The following FOXD2 variants were observed in gnomAD, a reference collection of about 807,000 sequenced individuals.
FOXD2 encodes forkhead box D2.
A neutral mutation model predicts 6.4 loss-of-function variants in FOXD2; 4 were observed. The ratio of observed to expected loss-of-function variants is 0.62; its 90% CI spans 0.31 to 1.42. The LOEUF is 1.42. Among genes scored for constraint, FOXD2 ranks in the 40% most tolerant of loss-of-function variants. The pLI is 0.08. For synonymous variants in FOXD2, 393 were observed against 373.6 expected (o/e 1.05, Z -0.60); for missense variants, 709 against 766.8 (o/e 0.92, Z 0.89).
Position 47,438,392 on chromosome 1 carries a change from C to T in FOXD2, c.257C>T (p.Ala86Val). The T allele has an allele frequency of 8.2e-7, 1 of 1,214,432 alleles. No homozygotes were observed. The highest frequency in any genetic ancestry group is 1.0e-6 in the Non-Finnish European group (1 of 977,280). 75.2% of individuals were successfully genotyped at this position (1,214,432 alleles called of 1,614,324 possible). A position where few individuals can be genotyped will look rare whatever the true frequency, so the allele number is the denominator to read the frequency against. Residue 86 changes from alanine (A) to valine (V), a missense_variant, in exon 1 of 1, where the codon GCG becomes GTG. By Grantham distance (64) the Ala-to-Val change is moderately conservative. Around this residue, in one of 5 missense-constraint regions of FOXD2, gnomAD observed 220 missense variants for 199.2 expected, o/e 1.10. Coordinates refer to ENST00000334793, the MANE Select transcript of FOXD2 (RefSeq NM_004474.4). ...TCGGACGGCGAGCCCCGCGCTCTGG[C>T]GTCCCGGGGGGCGGCGGCCGCAGCG... ...GCSDGEPRALASRGAAAAAGS... is the reference protein window; with the variant it reads ...GCSDGEPRALVSRGAAAAAGS...
chr1:47,439,884 G>C lies in FOXD2; in HGVS notation c.*261G>C. 1 of 71,424 alleles carries C rather than the reference G, an allele frequency of 1.4e-5. No individual in the cohort carries two copies. The highest frequency in any genetic ancestry group is 1.5e-4 in the East Asian group (1 of 6,478). The allele number at this position is 71,424 out of a possible 1,614,324, so 4.4% of individuals were successfully genotyped here. ...CTTTACAGTTTGAGAAATAAAAGCA[G>C]GGGGGTGGGGGCTTCGTTTTTTTCC... On this transcript the variant is annotated 3_prime_UTR_variant, in exon 1 of 1. Coordinates refer to ENST00000334793, the MANE Select transcript of FOXD2 (RefSeq NM_004474.4).
chr1:47,438,408 G>A lies in FOXD2; in HGVS notation c.273G>A (p.Ala91=). The change falls in exon 1 of 1, where the codon GCG becomes GCA. Residue 91 remains alanine (A), a synonymous_variant. Coordinates refer to ENST00000334793, the MANE Select transcript of FOXD2 (RefSeq NM_004474.4). ...EPRALASRGA[A]AAAGSPGPGA... ...GCGCTCTGGCGTCCCGGGGGGCGGC[G>A]GCCGCAGCGGGGAGCCCGGGGCCAG... The A allele has an allele frequency of 1.7e-6, 2 of 1,195,740 alleles. No individual in the cohort carries two copies. The highest frequency in any genetic ancestry group is 8.3e-5 in the South Asian group (2 of 24,068). 74.1% of individuals were successfully genotyped at this position (1,195,740 alleles called of 1,614,324 possible). A position where few individuals can be genotyped will look rare whatever the true frequency, so the allele number is the denominator to read the frequency against.
In FOXD2 at chr1:47,438,816, C is replaced by T; in HGVS notation, c.681C>T (p.Pro227=). 1 of 1,611,806 alleles carries T rather than the reference C, an allele frequency of 6.2e-7. No individual in the cohort carries two copies. The highest frequency in any genetic ancestry group is 8.5e-7 in the Non-Finnish European group (1 of 1,179,462). Reference sequence around the variant, plus strand: ...GTCGCAAGCGCTTCAAGCGGCAGCCCCTGCCGCCGCCGCACCCACACCCGC... The same window carrying T: ...GTCGCAAGCGCTTCAAGCGGCAGCCTCTGCCGCCGCCGCACCCACACCCGC... ...LRRRKRFKRQ[P]LPPPHPHPHP... is the part of the protein sequence containing the mutation. The change falls in exon 1 of 1, where the codon CCC becomes CCT. Residue 227 remains proline (P), a synonymous_variant. Coordinates refer to ENST00000334793, the MANE Select transcript of FOXD2 (RefSeq NM_004474.4).
At position 47,438,996 on chromosome 1, in the gene FOXD2, T is replaced by TCCGCAC. The variant is rs3046924; in HGVS notation, c.874_879dup (p.Pro292_His293dup). Reference sequence around the variant, plus strand: ...CACCCCCGCCGGGGCCGGCCCCGCATCCGCACCCGCACCCGCACGCCTTCG... The same window carrying TCCGCAC: ...CACCCCCGCCGGGGCCGGCCCCGCATCCGCACCCGCACCCGCACCCGCACGCCTTCG... On this transcript the variant is annotated inframe_insertion, in exon 1 of 1. Coordinates refer to ENST00000334793, the MANE Select transcript of FOXD2 (RefSeq NM_004474.4). 1 allele frequency: 1,392,139 copies of TCCGCAC among 1,399,124 alleles called. 692,767 individuals are homozygous for TCCGCAC. The highest frequency in any genetic ancestry group is 1 in the East Asian group (31,753 of 31,792). The allele number at this position is 1,399,124 out of a possible 1,614,324, so 86.7% of individuals were successfully genotyped here.
Position 47,440,153 on chromosome 1 carries a change from C to A in FOXD2, c.*530C>A, listed in dbSNP as rs1409571573. On this transcript the variant is annotated 3_prime_UTR_variant, in exon 1 of 1. Transcript: ENST00000334793. ...TTTTTTGCTGTTCTCCAAGGAAGTT[C>A]GTTTCCTCTGAAGCCTAAACCAGTG... The A allele has an allele frequency of 8.0e-6, 1 of 125,108 alleles. No individual in the cohort carries two copies. The highest frequency in any genetic ancestry group is 3.5e-5 in the African/African-American group (1 of 28,534). The allele number at this position is 125,108 out of a possible 1,614,324, so 7.7% of individuals were successfully genotyped here. A position where few individuals can be genotyped will look rare whatever the true frequency, so the allele number is the denominator to read the frequency against.
Position 47,439,257 on chromosome 1 carries a change from C to G in FOXD2, c.1122C>G (p.Pro374=). 6.6e-7 allele frequency: 1 copy of G among 1,505,138 alleles called. No homozygotes were observed. Among genetic ancestry groups the G allele is most frequent in the Non-Finnish European group, 8.8e-7 (1 of 1,138,880 alleles). The allele number at this position is 1,505,138 out of a possible 1,614,324, so 93.2% of individuals were successfully genotyped here. The change falls in exon 1 of 1, where the codon CCC becomes CCG. Residue 374 remains proline, a synonymous_variant. Coordinates refer to ENST00000334793, the MANE Select transcript of FOXD2 (RefSeq NM_004474.4). The part of the protein sequence containing the change: ...KAFYAASLSP[P]AAGTAAGLPT... ...TCTACGCGGCGTCCCTGAGTCCTCC[C>G]GCAGCCGGCACCGCGGCGGGTCTGC... is the stretch of plus-strand genomic sequence containing the variant.
At position 47,439,449 on chromosome 1, in the gene FOXD2, AT is replaced by A. The variant is rs774607804; in HGVS notation, c.1316del (p.Phe439SerfsTer17). 6.5e-7 allele frequency: 1 copy of A among 1,542,376 alleles called. No homozygotes were observed. The highest frequency in any genetic ancestry group is 1.2e-5 in the South Asian group (1 of 84,220). On this transcript the variant is annotated frameshift_variant, in exon 1 of 1. Transcript: ENST00000334793. LOFTEE classifies it high-confidence loss of function. ...GAGEGSPGPP[F>X]AAAAGPGGQA... The stretch of plus-strand genomic sequence containing the variant: ...CCGGCGAGGGCTCTCCGGGACCGCC[AT>A]TCGCGGCAGCCGCGGGTCCTGGGGG...
chr1:47,438,419 G>A lies in FOXD2; in HGVS notation c.284G>A (p.Gly95Glu), dbSNP rs1327970688. The A allele has an allele frequency of 2.6e-6, 3 of 1,164,638 alleles. No individual in the cohort carries two copies. The highest frequency in any genetic ancestry group is 3.2e-6 in the Non-Finnish European group (3 of 944,366). 72.1% of individuals were successfully genotyped at this position (1,164,638 alleles called of 1,614,324 possible). Residue 95 changes from glycine to glutamate, a missense_variant, in exon 1 of 1, where the codon GGG (glycine) becomes GAG (glutamate). Gly to Glu is a moderately conservative substitution (Grantham distance 98). Transcript: ENST00000334793. ...LASRGAAAAAGSPGPGAAAAR... is the reference protein window; with the variant it reads ...LASRGAAAAAESPGPGAAAAR... ...TCCCGGGGGGCGGCGGCCGCAGCGG[G>A]GAGCCCGGGGCCAGGCGCCGCGGCG...
rs1183368031 is a variant in FOXD2, at chr1:47,439,926, C to A, written c.*303C>A. 3 of 375,874 alleles carry A rather than the reference C, an allele frequency of 8.0e-6. No individual in the cohort carries two copies. Among genetic ancestry groups the A allele is most frequent in the Non-Finnish European group, 1.5e-5 (3 of 200,496 alleles). The allele number at this position is 375,874 out of a possible 1,614,324, so 23.3% of individuals were successfully genotyped here. A position where few individuals can be genotyped will look rare whatever the true frequency, so the allele number is the denominator to read the frequency against. ...TTTTTTTCCCTGCCTCTGCGCCTCT[C>A]GGGGAACACATTCCGGGAGAGATGC... On this transcript the variant is annotated 3_prime_UTR_variant, in exon 1 of 1. Transcript: ENST00000334793.
At position 47,438,121 on chromosome 1, in the gene FOXD2, G is replaced by GGCGGCA. The variant is rs1403449006; in HGVS notation, c.-8_-3dup. Reference sequence around the variant, plus strand: ...AGCGGAGCCGGAGAGTGGCGGCGGCGGCGGCAGCGGCACCATGACCCTGGG... The same window carrying GGCGGCA: ...AGCGGAGCCGGAGAGTGGCGGCGGCGGCGGCAGCGGCAGCGGCACCATGACCCTGGG... On this transcript the variant is annotated 5_prime_UTR_variant, in exon 1 of 1. Transcript: ENST00000334793. The GGCGGCA allele has an allele frequency of 3.6e-6, 5 of 1,400,788 alleles. No individual in the cohort carries two copies. The highest frequency in any genetic ancestry group is 3.0e-5 in the East Asian group (1 of 32,788). 86.8% of individuals were successfully genotyped at this position (1,400,788 alleles called of 1,614,324 possible).
In FOXD2 at chr1:47,439,160, G is replaced by A; in HGVS notation, c.1025G>A (p.Gly342Asp). 6.9e-7 allele frequency: 1 copy of A among 1,447,174 alleles called. No individual in the cohort carries two copies. Among genetic ancestry groups the A allele is most frequent in the South Asian group, 1.4e-5 (1 of 73,904 alleles). 89.6% of individuals were successfully genotyped at this position (1,447,174 alleles called of 1,614,324 possible). ...GSAPAPAPAS[G>D]SGPGPGPAGL... ...GCCCCAGCTCCTGCGCCTGCCTCAG[G>A]CTCGGGCCCGGGCCCGGGCCCCGCA... Residue 342 changes from glycine (G) to aspartate (D), a missense_variant, in exon 1 of 1, where the codon GGC (glycine) becomes GAC (aspartate). This residue lies in a region of FOXD2 where 322 missense variants were observed against 313.8 expected (regional missense o/e 1.03). Transcript: ENST00000334793.
rs912017237 is a variant in FOXD2, at chr1:47,438,062, A to G, written c.-74A>G. Reference sequence around the variant, plus strand: ...CCCGCGCGCAAAACGCACTCGCCCCAGAGGCAGCGCGGCCGAGCCCGAGCC... The same window carrying G: ...CCCGCGCGCAAAACGCACTCGCCCCGGAGGCAGCGCGGCCGAGCCCGAGCC... On this transcript the variant is annotated 5_prime_UTR_variant, in exon 1 of 1. Transcript: ENST00000334793. The G allele has an allele frequency of 1.4e-5, 18 of 1,264,638 alleles. No individual in the cohort carries two copies. The East Asian group carries it at 5.1e-4, about 36-fold the overall frequency. 78.3% of individuals were successfully genotyped at this position (1,264,638 alleles called of 1,614,324 possible). A position where few individuals can be genotyped will look rare whatever the true frequency, so the allele number is the denominator to read the frequency against.
chr1:47,438,352 G>A lies in FOXD2; in HGVS notation c.217G>A (p.Glu73Lys), dbSNP rs1280831716. ...GGCAGACTTAGCCGAGGACGAGGAG[G>A]AGTCTGGTGGCTGCTCGGACGGCGA... ...AEADLAEDEEESGGCSDGEPR... is the reference protein window; with the variant it reads ...AEADLAEDEEKSGGCSDGEPR... The change falls in exon 1 of 1, where the codon GAG becomes AAG. Residue 73 changes from glutamate to lysine, a missense_variant. Physicochemically the swap from Glu to Lys is moderately conservative, Grantham distance 56. Coordinates refer to ENST00000334793, the MANE Select transcript of FOXD2 (RefSeq NM_004474.4). 8.0e-7 allele frequency: 1 copy of A among 1,257,536 alleles called. No individual in the cohort carries two copies. Among genetic ancestry groups the A allele is most frequent in the East Asian group, 3.2e-5 (1 of 31,452 alleles). The allele number at this position is 1,257,536 out of a possible 1,614,324, so 77.9% of individuals were successfully genotyped here. A position where few individuals can be genotyped will look rare whatever the true frequency, so the allele number is the denominator to read the frequency against.
rs373212482 is a variant in FOXD2 at position 47,439,086 on chromosome 1, G to A, written c.951G>A (p.Ala317=). The change falls in exon 1 of 1, where the codon GCG becomes GCA. Residue 317 remains alanine (A), a synonymous_variant. Coordinates refer to ENST00000334793, the MANE Select transcript of FOXD2 (RefSeq NM_004474.4). ...CGGTACCCCCAGGCCGCGCCGCCGC[G>A]CCTCCACCCGGACCTCCGACGGCCT... The part of the protein sequence containing the change: ...QLSVPPGRAA[A]PPPGPPTASV... 73 of 1,447,642 alleles carry A rather than the reference G, an allele frequency of 5.0e-5. No individual in the cohort carries two copies. In the South Asian group the frequency reaches 6.0e-4, roughly 12 times the overall value. 89.7% of individuals were successfully genotyped at this position (1,447,642 alleles called of 1,614,324 possible).
chr1:47,439,337 G>GCGGGGGCGC lies in FOXD2; in HGVS notation c.1208_1216dup (p.Gly403_Gly405dup), dbSNP rs1234503700. 1 of 1,485,140 alleles carries GCGGGGGCGC rather than the reference G, an allele frequency of 6.7e-7. No individual in the cohort carries two copies. Among genetic ancestry groups the GCGGGGGCGC allele is most frequent in the South Asian group, 1.3e-5 (1 of 76,106 alleles). The allele number at this position is 1,485,140 out of a possible 1,614,324, so 92.0% of individuals were successfully genotyped here. ...ACGGACGCGGGCGGTGGTGCAGGCG[G>GCGGGGGCGC]CGGGGGCGCCGGGGCAGGGCAGAGG... is the stretch of plus-strand genomic sequence containing the variant. On this transcript the variant is annotated inframe_insertion, in exon 1 of 1. Coordinates refer to ENST00000334793, the MANE Select transcript of FOXD2 (RefSeq NM_004474.4).
In FOXD2 at chr1:47,439,672, G is replaced by A. The variant is rs1313372139; in HGVS notation, c.*49G>A. 3 of 1,492,536 alleles carry A rather than the reference G, an allele frequency of 2.0e-6. No homozygotes were observed. In the African/African-American group the frequency reaches 4.3e-5, roughly 21 times the overall value. The allele number at this position is 1,492,536 out of a possible 1,614,324, so 92.5% of individuals were successfully genotyped here. A position where few individuals can be genotyped will look rare whatever the true frequency, so the allele number is the denominator to read the frequency against. On this transcript the variant is annotated 3_prime_UTR_variant, in exon 1 of 1. Transcript: ENST00000334793. ...AGGTCCGCACTCCTCAGCCTCTCCC[G>A]GGAGTTCCTGCGGTCCCAGCGGAAC...
In FOXD2 at chr1:47,439,414, C is replaced by G; in HGVS notation, c.1279C>G (p.Pro427Ala). 6.5e-7 allele frequency: 1 copy of G among 1,539,588 alleles called. No homozygotes were observed. Among genetic ancestry groups the G allele is most frequent in the East Asian group, 2.4e-5 (1 of 42,292 alleles). The change falls in exon 1 of 1, where the codon CCC (proline) becomes GCC (alanine). Residue 427 changes from proline (P) to alanine (A), a missense_variant. Coordinates refer to ENST00000334793, the MANE Select transcript of FOXD2 (RefSeq NM_004474.4). The part of the protein sequence containing the change: ...IMGHGGGGAA[P>A]PGAGEGSPGP... ...GGGCCACGGTGGCGGCGGGGCAGCA[C>G]CCCCGGGCGCCGGCGAGGGCTCTCC... is the stretch of plus-strand genomic sequence containing the variant.
Position 47,439,669 on chromosome 1 carries a change from C to G in FOXD2, c.*46C>G, listed in dbSNP as rs571256616. 6.7e-7 allele frequency: 1 copy of G among 1,496,218 alleles called. No homozygotes were observed. Among genetic ancestry groups the G allele is most frequent in the South Asian group, 1.2e-5 (1 of 80,402 alleles). 92.7% of individuals were successfully genotyped at this position (1,496,218 alleles called of 1,614,324 possible). On this transcript the variant is annotated 3_prime_UTR_variant, in exon 1 of 1. Transcript: ENST00000334793. ...GTTAGGTCCGCACTCCTCAGCCTCT[C>G]CCGGGAGTTCCTGCGGTCCCAGCGG... is the stretch of plus-strand genomic sequence containing the variant.
rs1373970226 is a variant in FOXD2, at chr1:47,439,241, C to T, written c.1106C>T (p.Ala369Val). 3 of 1,500,900 alleles carry T rather than the reference C, an allele frequency of 2.0e-6. No individual in the cohort carries two copies. The highest frequency in any genetic ancestry group is 1.3e-5 in the South Asian group (1 of 79,628). 93.0% of individuals were successfully genotyped at this position (1,500,900 alleles called of 1,614,324 possible). The change falls in exon 1 of 1, where the codon GCG becomes GTG. Residue 369 changes from alanine (A) to valine (V), a missense_variant. Around this residue, in one of 5 missense-constraint regions of FOXD2, gnomAD observed 322 missense variants for 313.8 expected, o/e 1.03. Coordinates refer to ENST00000334793, the MANE Select transcript of FOXD2 (RefSeq NM_004474.4). ...ELGCAKAFYA[A>V]SLSPPAAGTA... ...GGCTGCGCCAAAGCCTTCTACGCGG[C>T]GTCCCTGAGTCCTCCCGCAGCCGGC...
Sources: gnomAD v4.1 joint callset for allele counts on GRCh38, gnomAD v4.1.1 for gene constraint, gnomAD v4.1.1 regional missense constraint, MANE v1.5 for transcripts, NCBI Gene and HGNC (gene_info 2026-07-23, HGNC 2026-07-21) for gene names.